The following BACH1 variants were observed in gnomAD, a reference collection of about 807,000 sequenced individuals.
BACH1 encodes the protein BTB domain and CNC homolog 1.
Under a neutral mutation model 52.9 loss-of-function variants are expected in BACH1, and 35 were observed. The ratio of observed to expected loss-of-function variants is 0.66; its 90% CI spans 0.51 to 0.88. The LOEUF (loss-of-function observed/expected upper bound fraction) is 0.88. Ranked by LOEUF, BACH1 falls within the 40% of genes least tolerant of loss-of-function variation. The pLI is 0.00. For missense variants in BACH1, 808 were observed against 872.6 expected, an observed-to-expected ratio of 0.93 and a Z score of 0.93; for synonymous variants, 321 against 319.6, an observed-to-expected ratio of 1.00 and a Z score of -0.05.
At chr21:29,332,996 ATCTTCCTTGAAGTCTCTAC>A (rs1156383462) in intron 4 of BACH1, among the ~76,000 whole-genome samples, 1 of 152,166 alleles carries the variant, frequency 6.6e-6, no homozygotes, top group East Asian at 1.9e-4. Flanking sequence ...TTTGTGTTTC[ATCTTCCTTGAAGTCTCTAC>A]TCAGTCCTTC....
At chr21:29,341,216 C>T (rs887197693) in intron 4 of BACH1, among the ~76,000 whole-genome samples, 4 of 152,028 alleles carry the variant, frequency 2.6e-5, no homozygotes, top group Non-Finnish European at 4.4e-5. Flanking sequence ...ACTTTTATGT[C>T]ATAAAAGACT....
At chr21:29,361,273 A>G (rs1569029679) in intron 2 of BACH1, 1 of 152,206 alleles carries the variant, frequency 6.6e-6, no homozygotes, top group East Asian at 1.9e-4. Context: ...AGTTATCAGT[A>G]TTGCAGATGT....
intron 1 of BACH1, among the ~76,000 whole-genome samples, chr21:29,318,910 C>T (rs2088817848): frequency 6.6e-6 from 1 of 152,128 alleles, no homozygotes; most frequent in Admixed American, 6.5e-5. Context: ...CAGCTCCCCA[C>T]ATTGCTGCAG....
intron 4 of BACH1, among the ~76,000 whole-genome samples, chr21:29,339,950 G>A (rs1050922050): frequency 6.6e-6 from 1 of 151,664 alleles, no homozygotes; most frequent in Admixed American, 6.5e-5. Flanking sequence ...AAGATTTTTT[G>A]TTGGTATAAA....
chr21:29,359,996 C>T (rs1168764601), intron 2 of BACH1, among the ~76,000 whole-genome samples: 1 of 152,184 alleles, frequency 6.6e-6, no homozygotes, highest in African/African-American at 2.4e-5. Context: ...TTCCTCTATT[C>T]ATTCCACCTC....
At chr21:29,303,325 T>G (rs2088622847) in intron 1 of BACH1, among the ~76,000 whole-genome samples, 1 of 152,228 alleles carries the variant, frequency 6.6e-6, no homozygotes, top group Non-Finnish European at 1.5e-5. Flanking sequence ...TCAGCCAGAT[T>G]GTAAGTTTCC....
In BACH1 at chr21:29,321,454, C is replaced by T. The variant is rs1349126848; in HGVS notation, c.174C>T (p.Tyr58=). The part of the protein sequence containing the change: ...HRSVLAACSS[Y]FHSRIVGQAD... ...CCGTGCTGGCGGCATGCAGCAGTTA[C>T]TTCCACTCAAGAATCGTAGGCCAGG... The change falls in exon 2 of 5, where the codon TAC becomes TAT. Residue 58 remains tyrosine (Y), a synonymous_variant. Coordinates refer to ENST00000286800, the MANE Select transcript of BACH1 (RefSeq NM_001186.4). 9.3e-6 allele frequency: 15 copies of T among 1,614,100 alleles called. No homozygotes were observed. Among genetic ancestry groups the T allele is most frequent in the Non-Finnish European group, 1.3e-5 (15 of 1,180,054 alleles).
Position 29,326,396 on chromosome 21 carries a change from G to C in BACH1, c.572G>C (p.Gly191Ala). ...CAGTGTAAACTCCGCAGGTATCAAG[G>C]AAATGCAAAAGCCTCACCTCCTCTA... ...TPQCKLRRYQ[G>A]NAKASPPLQD... The change falls in exon 3 of 5, where the codon GGA (glycine) becomes GCA (alanine). Residue 191 changes from glycine to alanine, a missense_variant. Transcript: ENST00000286800. 1 of 1,614,164 alleles carries C rather than the reference G, an allele frequency of 6.2e-7. No individual in the cohort carries two copies. Among genetic ancestry groups the C allele is most frequent in the Non-Finnish European group, 8.5e-7 (1 of 1,180,022 alleles).
chr21:29,317,280 C>A (rs1298685284), intron 1 of BACH1, among the ~76,000 whole-genome samples: 1 of 152,228 alleles, frequency 6.6e-6, no homozygotes, highest in Non-Finnish European at 1.5e-5. Flanking sequence ...TCTAGATGAT[C>A]TCTGTTTTGT....
rs61571512 is a variant in BACH1, at chr21:29,306,169, A to AGTGTGTGTGTGTGTGT, written c.-61+7243_-61+7258dup. Among the ~76,000 whole-genome samples the AGTGTGTGTGTGTGTGT allele has an allele frequency of 9.2e-5, 13 of 141,284 alleles. No homozygotes were observed. In the East Asian group the frequency reaches 1.5e-3, roughly 16 times the overall value. The allele number at this position is 141,284 out of a possible 152,430, so 92.7% of individuals were successfully genotyped here. A position where few individuals can be genotyped will look rare whatever the true frequency, so the allele number is the denominator to read the frequency against. On this transcript the variant is annotated intron_variant, in intron 1 of 4. Coordinates refer to ENST00000286800, the MANE Select transcript of BACH1 (RefSeq NM_001186.4). Reference sequence around the variant, plus strand: ...AGTAGGGAGAAGTTGGGTCAGGAAGAGTGTGTGTGTGTGTGTGTGTGTGTG... The same window carrying AGTGTGTGTGTGTGTGT: ...AGTAGGGAGAAGTTGGGTCAGGAAGAGTGTGTGTGTGTGTGTGTGTGTGTGTGTGTGTGTGTGTGTG...
In BACH1 at chr21:29,321,415, C is replaced by T; in HGVS notation, c.135C>T (p.Phe45=). The T allele has an allele frequency of 6.2e-7, 1 of 1,614,214 alleles. No homozygotes were observed. Among genetic ancestry groups the T allele is most frequent in the Middle Eastern group, 1.6e-4 (1 of 6,062 alleles). Reference sequence around the variant, plus strand: ...CCATCTTTGTGGAGGGACAGCGGTTCCGCGCTCACCGGTCCGTGCTGGCGG... The same window carrying T: ...CCATCTTTGTGGAGGGACAGCGGTTTCGCGCTCACCGGTCCGTGCTGGCGG... ...DVTIFVEGQR[F]RAHRSVLAAC... The change falls in exon 2 of 5, where the codon TTC becomes TTT. Residue 45 remains phenylalanine (F), a synonymous_variant. Coordinates refer to ENST00000286800, the MANE Select transcript of BACH1 (RefSeq NM_001186.4).
intron 2 of BACH1, among the ~76,000 whole-genome samples, chr21:29,355,094 A>G (rs1011149801): frequency 6.6e-6 from 1 of 152,192 alleles, no homozygotes; most frequent in African/African-American, 2.4e-5. Flanking sequence ...TGGGGTGGCC[A>G]GCTTTTATTC....
intron 2 of BACH1, among the ~76,000 whole-genome samples, chr21:29,356,262 C>T (rs976199051): frequency 7.9e-5 from 12 of 152,208 alleles, no homozygotes; most frequent in Non-Finnish European, 1.3e-4. Flanking sequence ...TAGTACAATA[C>T]ATGTTACACT....
chr21:29,360,252 C>G (rs888701375), intron 2 of BACH1, among the ~76,000 whole-genome samples: 2 of 152,208 alleles, frequency 1.3e-5, no homozygotes, highest in Non-Finnish European at 2.9e-5. Context: ...CTGACGCTGT[C>G]ATAGGCACGT....
downstream of BACH1, among the ~76,000 whole-genome samples, chr21:29,347,875 A>T (rs924599704): frequency 6.6e-6 from 1 of 152,244 alleles, no homozygotes; most frequent in Non-Finnish European, 1.5e-5. Flanking sequence ...AGATCCCAAC[A>T]TAACATTCCC....
chr21:29,327,299 G>GCCC lies in BACH1; in HGVS notation c.1476_1478dup (p.Pro493dup). 1 of 1,614,186 alleles carries GCCC rather than the reference G, an allele frequency of 6.2e-7. No homozygotes were observed. Among genetic ancestry groups the GCCC allele is most frequent in the Non-Finnish European group, 8.5e-7 (1 of 1,180,036 alleles). On this transcript the variant is annotated inframe_insertion, in exon 3 of 5. Transcript: ENST00000286800. ...GTTTCAGAACCCCAGCAAGAACCTT[G>GCCC]CCCATATGCTTGTGTCATTAGCTTG... is the stretch of plus-strand genomic sequence containing the variant.
intron 4 of BACH1, among the ~76,000 whole-genome samples, chr21:29,340,830 T>C (rs2089102838): frequency 6.6e-6 from 1 of 152,174 alleles, no homozygotes; most frequent in Non-Finnish European, 1.5e-5. Context: ...GGTACCGTTC[T>C]TGCCCTTTCA....
At chr21:29,346,552 C>T (rs914492084), downstream of BACH1, among the ~76,000 whole-genome samples, 13 of 152,094 alleles carry the variant, frequency 8.5e-5, no homozygotes, top group African/African-American at 2.9e-4. Context: ...TAGTGATTCT[C>T]AGCTGGGGAT....
chr21:29,327,367 T>C lies in BACH1; in HGVS notation c.1543T>C (p.Cys515Arg). The C allele has an allele frequency of 6.2e-7, 1 of 1,613,650 alleles. No individual in the cohort carries two copies. The highest frequency in any genetic ancestry group is 8.5e-7 in the Non-Finnish European group (1 of 1,179,696). Residue 515 changes from cysteine to arginine, a missense_variant, in exon 3 of 5, where the codon TGT becomes CGT. Cys to Arg is a radical substitution (Grantham distance 180). Coordinates refer to ENST00000286800, the MANE Select transcript of BACH1 (RefSeq NM_001186.4). ...ETDTEGDSES[C>R]SAREQECEVK... ...GGACACCGAAGGAGACAGTGAATCCTGTTCAGCCAGAGAACAAGAATGTGA... is the reference window on the plus strand; with the variant it reads ...GGACACCGAAGGAGACAGTGAATCCCGTTCAGCCAGAGAACAAGAATGTGA...
Sources: gnomAD v4.1 joint callset for allele counts (sites outside exome capture counted in the v4.1 genomes callset) on GRCh38, gnomAD v4.1.1 for gene constraint, MANE v1.5 for transcripts, NCBI Gene and HGNC (gene_info 2026-07-23, HGNC 2026-07-21) for gene names.